Variants in SACM1L observed in about 807,000 individuals in gnomAD.
The protein encoded by SACM1L is phosphatidylinositol-3-phosphatase SAC1.
Under a neutral mutation model 89.5 loss-of-function variants are expected in SACM1L, and 32 were observed. That is an observed-to-expected ratio of 0.36 (90% CI 0.27 to 0.48). SACM1L has a LOEUF of 0.48. Ranked by LOEUF, SACM1L falls within the 20% of genes least tolerant of loss-of-function variation. The pLI is 0.99. For synonymous variants in SACM1L, 213 were observed against 232.8 expected, an observed-to-expected ratio of 0.92 and a Z score of 0.77; for missense variants, 543 against 708.5, an observed-to-expected ratio of 0.77 and a Z score of 2.65.
chr3:45,711,918 C>G (rs1264177465), intron 5 of SACM1L, among the ~76,000 whole-genome samples: 2 of 152,206 alleles, frequency 1.3e-5, no homozygotes, highest in Non-Finnish European at 2.9e-5. Flanking sequence ...CACTCCCACT[C>G]CAAATTCAAC....
At chr3:45,726,274 A>G (rs1698915151) in intron 11 of SACM1L, among the ~76,000 whole-genome samples, 1 of 151,838 alleles carries the variant, frequency 6.6e-6, no homozygotes, top group African/African-American at 2.4e-5. Flanking sequence ...ACTGGTGTTA[A>G]TTCTCTAAAT....
intron 14 of SACM1L, 148 bp from the exon 15 acceptor site, chr3:45,737,435 G>A: frequency 2.5e-6 from 2 of 785,182 alleles, no homozygotes; most frequent in Non-Finnish European, 2.1e-6. Context: ...GCTGCTGTGA[G>A]CTGGGGCCCC....
intron 14 of SACM1L, 41 bp downstream of exon 14, chr3:45,735,414 G>A: frequency 6.7e-7 from 1 of 1,481,510 alleles, no homozygotes; most frequent in South Asian, 1.4e-5. Flanking sequence ...AAACAACACA[G>A]CAAAAAATTA....
chr3:45,696,246 C>T (rs1460207359), intron 1 of SACM1L, among the ~76,000 whole-genome samples: 1 of 152,124 alleles, frequency 6.6e-6, no homozygotes, highest in East Asian at 1.9e-4. Flanking sequence ...ATCCGCCTGC[C>T]TCGTCCTCCC....
chr3:45,715,834 G>GTGTTTTT (rs1297292233), intron 7 of SACM1L, among the ~76,000 whole-genome samples: 1 of 151,478 alleles, frequency 6.6e-6, no homozygotes, highest in Non-Finnish European at 1.5e-5. Context: ...GCCAACTATG[G>GTGTTTTT]TGTTTTTTGT....
chr3:45,723,196 TA>T (rs1698829282), intron 10 of SACM1L, among the ~76,000 whole-genome samples: 1 of 152,212 alleles, frequency 6.6e-6, no homozygotes, highest in African/African-American at 2.4e-5. Flanking sequence ...GAGATCTCAG[TA>T]AGATTTGTAA....
intron 1 of SACM1L, 188 bp downstream of exon 1, chr3:45,689,685 C>G: frequency 1.5e-6 from 1 of 674,412 alleles, no homozygotes; most frequent in Non-Finnish European, 2.5e-6. Context: ...CGGGAACCAG[C>G]GGCTCGCCGG....
At chr3:45,710,712 T>C (rs1300595227) in intron 5 of SACM1L, among the ~76,000 whole-genome samples, 1 of 152,112 alleles carries the variant, frequency 6.6e-6, no homozygotes, top group Non-Finnish European at 1.5e-5. Context: ...CGCCAGTAAT[T>C]GACCATTTTT....
rs1322573641 is a variant in SACM1L, at chr3:45,722,914, A to G, written c.811A>G (p.Lys271Glu). The G allele has an allele frequency of 6.2e-7, 1 of 1,613,824 alleles. No individual in the cohort carries two copies. Among genetic ancestry groups the G allele is most frequent in the South Asian group, 1.1e-5 (1 of 91,052 alleles). Residue 271 changes from lysine (K) to glutamate (E), a missense_variant, in exon 10 of 20, where the codon AAG (lysine) becomes GAG (glutamate). Lys to Glu is a moderately conservative substitution (Grantham distance 56). Coordinates refer to ENST00000389061, the MANE Select transcript of SACM1L (RefSeq NM_014016.5). Reference protein sequence around the residue: ...PVFWSQRPNLKYKPLPQISKV... With the variant: ...PVFWSQRPNLEYKPLPQISKV... ...TTTCTGGTCCCAAAGACCAAACCTC[A>G]AGTACAAACCACTGCCACAGATCAG...
intron 16 of SACM1L, 54 bp from the exon 17 acceptor site, chr3:45,738,524 G>A: frequency 1.9e-6 from 2 of 1,034,402 alleles, no homozygotes; most frequent in Middle Eastern, 2.8e-4. Flanking sequence ...CCATAAAACA[G>A]TGTGAGAATT....
intron 11 of SACM1L, among the ~76,000 whole-genome samples, chr3:45,727,489 G>GCTA (rs1559548291): frequency 6.6e-6 from 1 of 151,970 alleles, no homozygotes; most frequent in Admixed American, 6.5e-5. Context: ...TTCTGCTGCT[G>GCTA]TTGGGTACAG....
chr3:45,720,370 A>T (rs1227464238), intron 8 of SACM1L, among the ~76,000 whole-genome samples: 1 of 152,210 alleles, frequency 6.6e-6, no homozygotes, highest in Non-Finnish European at 1.5e-5. Flanking sequence ...CATATTTCAA[A>T]TATCAAAAAG....
At chr3:45,726,678 TG>T in intron 11 of SACM1L, among the ~76,000 whole-genome samples, 1 of 152,196 alleles carries the variant, frequency 6.6e-6, no homozygotes, top group African/African-American at 2.4e-5. Flanking sequence ...TTGACTTTAT[TG>T]TTTTTATATT....
chr3:45,735,821 G>A (rs1403103946), intron 14 of SACM1L, among the ~76,000 whole-genome samples: 3 of 152,174 alleles, frequency 2.0e-5, no homozygotes, highest in Non-Finnish European at 2.9e-5. Flanking sequence ...TAATGAATCA[G>A]TAAATCCATT....
At position 45,732,053 on chromosome 3, in the gene SACM1L, A is replaced by G; in HGVS notation, c.1002A>G (p.Arg334=). 3 of 1,560,132 alleles carry G rather than the reference A, an allele frequency of 1.9e-6. No individual in the cohort carries two copies. Among genetic ancestry groups the G allele is most frequent in the Non-Finnish European group, 2.6e-6 (3 of 1,147,416 alleles). Residue 334 remains arginine (R), a splice_region_variant and synonymous_variant, in exon 13 of 20, where the codon AGA becomes AGG. Transcript: ENST00000389061. The stretch of plus-strand genomic sequence containing the variant: ...TTCTGAATATCTTTTCTTTTGGTAG[A>G]TACATTGCCTTTGACTTCCATAAGG... ...MVSSLGSGMM[R]YIAFDFHKEC... is the part of the protein sequence containing the mutation.
At chr3:45,736,651 C>T (rs1699204423) in intron 14 of SACM1L, among the ~76,000 whole-genome samples, 1 of 152,140 alleles carries the variant, frequency 6.6e-6, no homozygotes, top group Non-Finnish European at 1.5e-5. Flanking sequence ...TTAATAGAAA[C>T]AATATTAGGA....
chr3:45,731,459 C>G, intron 12 of SACM1L, 79 bp downstream of exon 12: 2 of 838,400 alleles, frequency 2.4e-6, no homozygotes, highest in Non-Finnish European at 1.9e-6. Context: ...ATAGAGCTCA[C>G]TAGACATATG....
chr3:45,714,246 T>G (rs982047659), intron 7 of SACM1L, among the ~76,000 whole-genome samples, 167 bp downstream of exon 7: 46 of 151,884 alleles, frequency 3.0e-4, no homozygotes, highest in African/African-American at 1.1e-3. Flanking sequence ...TGTTTGTTTT[T>G]TTTTTTTTTA....
intron 1 of SACM1L, among the ~76,000 whole-genome samples, chr3:45,693,729 A>G (rs1698058159): frequency 6.6e-6 from 1 of 152,208 alleles, no homozygotes. Context: ...AGGTATTGAA[A>G]TGAGTCACTT....
Sources: allele counts gnomAD v4.1 joint callset (sites outside exome capture counted in the v4.1 genomes callset), GRCh38; gene constraint gnomAD v4.1.1; transcripts MANE v1.5; gene names NCBI Gene and HGNC (gene_info 2026-07-23, HGNC 2026-07-21).